DMD: variants seen among roughly 807,000 people sequenced by gnomAD.
DMD encodes mutant dystrophin.
DMD carries 63 observed loss-of-function variants against 330.1 expected under a neutral mutation model. The observed-to-expected ratio is 0.19, with a 90% CI of 0.16 to 0.24. DMD has a LOEUF of 0.24. DMD is among the 10% of genes least tolerant of loss of function. DMD has a pLI of 1.00. For synonymous variants in DMD, 1,223 were observed against 959.8 expected, an observed-to-expected ratio of 1.27 and a Z score of -5.07; for missense variants, 3,344 against 2,684.1, an observed-to-expected ratio of 1.25 and a Z score of -5.43.
intron 16 of DMD, among the ~76,000 whole-genome samples, chrX:32,556,562 G>A (rs954156175): frequency 9.0e-6 from 1 of 111,478 alleles, no homozygotes; most frequent in African/African-American, 3.3e-5. Flanking sequence ...CAACCTTAAT[G>A]CTCATCAATG....
Position 32,468,484 on chromosome X carries a change from A to G in DMD, c.3162+14T>C. 4.2e-6 allele frequency: 5 copies of G among 1,185,830 alleles called. No individual in the cohort carries two copies. The highest frequency in any genetic ancestry group is 5.7e-6 in the Non-Finnish European group (5 of 877,247). ...TAAATAAAAATGAGGGTAGAAAGTA[A>G]AATCTTGAATTACCTGAATTTTTCG... On this transcript the variant is annotated intron_variant, in intron 23 of 78. Coordinates refer to ENST00000357033, the MANE Select transcript of DMD (RefSeq NM_004006.3).
chrX:33,175,006 A>T (rs1376570276), intron 1 of DMD, among the ~76,000 whole-genome samples: 2 of 111,903 alleles, frequency 1.8e-5, no homozygotes, highest in Non-Finnish European at 3.8e-5. Context: ...AGGTTGGCTT[A>T]GCTTTCTTTC....
intron 50 of DMD, among the ~76,000 whole-genome samples, chrX:31,780,353 C>T (rs968733096): frequency 2.7e-5 from 3 of 111,933 alleles, no homozygotes; most frequent in African/African-American, 9.7e-5. Context: ...TTATTGGGCT[C>T]ACATTAACAA....
intron 30 of DMD, among the ~76,000 whole-genome samples, chrX:32,399,545 C>A (rs1460422681): frequency 9.0e-6 from 1 of 111,167 alleles, no homozygotes; most frequent in African/African-American, 3.3e-5. Flanking sequence ...AATCTCACTT[C>A]AACTCAAATG....
chrX:31,611,721 C>G (rs1265788852), intron 55 of DMD, among the ~76,000 whole-genome samples: 1 of 110,851 alleles, frequency 9.0e-6, no homozygotes, highest in African/African-American at 3.3e-5. Context: ...CTCCCACACC[C>G]AGTTAATTTT....
chrX:31,598,578 C>A (rs1197055041), intron 55 of DMD, among the ~76,000 whole-genome samples: 1 of 111,751 alleles, frequency 8.9e-6, no homozygotes, highest in African/African-American at 3.2e-5. Flanking sequence ...ATTTAATGGT[C>A]TTATTTAACA....
At chrX:32,557,981 G>A (rs976937102) in intron 16 of DMD, among the ~76,000 whole-genome samples, 1 of 109,463 alleles carries the variant, frequency 9.1e-6, no homozygotes, top group Non-Finnish European at 1.9e-5. Context: ...ATTTATTACT[G>A]TAAGGTAATA....
At chrX:32,234,062 C>G (rs1471285513) in intron 43 of DMD, among the ~76,000 whole-genome samples, 1 of 111,585 alleles carries the variant, frequency 9.0e-6, no homozygotes, top group African/African-American at 3.3e-5. Flanking sequence ...TGGTATGGGT[C>G]ACAGTAAAAC....
At position 32,365,315 on chromosome X, in the gene DMD, TATGTA is replaced by T. The variant is rs766450332; in HGVS notation, c.4846-121_4846-117del. ...TTCTGCAAGGTTTTAAACCTATAAC[TATGTA>T]TTAATGAATCATGAAAACCATACCA... On this transcript the variant is annotated intron_variant, in intron 34 of 78. Coordinates refer to ENST00000357033, the MANE Select transcript of DMD (RefSeq NM_004006.3). 58 of 676,942 alleles carry T rather than the reference TATGTA, an allele frequency of 8.6e-5. No individual in the cohort carries two copies. The East Asian group carries it at 2.0e-3, about 23-fold the overall frequency. 55.8% of individuals were successfully genotyped at this position (676,942 alleles called of 1,213,427 possible). A position where few individuals can be genotyped will look rare whatever the true frequency, so the allele number is the denominator to read the frequency against.
chrX:32,848,727 A>G (rs2080890885), intron 3 of DMD, among the ~76,000 whole-genome samples: 1 of 111,513 alleles, frequency 9.0e-6, no homozygotes, highest in African/African-American at 3.3e-5. Context: ...GGAGGGAAAA[A>G]TTAGCAAAGG....
chrX:32,568,564 A>G (rs1168941902), intron 15 of DMD, among the ~76,000 whole-genome samples: 1 of 111,050 alleles, frequency 9.0e-6, no homozygotes, highest in African/African-American at 3.3e-5. Flanking sequence ...AGTAAAATCA[A>G]TGTTATAATT....
chrX:32,909,064 C>A (rs1220425111), intron 2 of DMD, among the ~76,000 whole-genome samples: 1 of 108,145 alleles, frequency 9.2e-6, no homozygotes, highest in Non-Finnish European at 1.9e-5. Flanking sequence ...TTAAGGTGAC[C>A]CTGGTACCAT....
intron 7 of DMD, among the ~76,000 whole-genome samples, chrX:32,802,805 C>T (rs930966678): frequency 8.9e-6 from 1 of 111,943 alleles, no homozygotes; most frequent in Non-Finnish European, 1.9e-5. Flanking sequence ...ACTAATCTTG[C>T]ATCCCAGGGA....
intron 29 of DMD, among the ~76,000 whole-genome samples, chrX:32,437,654 T>C (rs1436948638): frequency 8.9e-6 from 1 of 112,350 alleles, no homozygotes; most frequent in African/African-American, 3.2e-5. Context: ...TAAGTGAATA[T>C]AAAACTAAAC....
rs868242012 is a variant in DMD, at chrX:32,695,081, A to G, written c.960+2789T>C. On this transcript the variant is annotated intron_variant, in intron 9 of 78. Transcript: ENST00000357033. ...ATGTGTCACTTGCTTCAATAACAGT[A>G]CCTGGCACATAATAGGTGATTCAAA... Among the ~76,000 whole-genome samples the G allele has an allele frequency of 3.6e-5, 4 of 112,662 alleles. No individual in the cohort carries two copies. In the South Asian group the frequency reaches 1.1e-3, roughly 31 times the overall value.
chrX:31,341,889 G>GCACACACACACACACACA (rs1239381351), intron 61 of DMD, among the ~76,000 whole-genome samples: 1 of 65,069 alleles, frequency 1.5e-5, no homozygotes, highest in African/African-American at 6.2e-5. Context: ...GCGTGCGCGC[G>GCACACACACACACACACA]CGCACACACA....
intron 61 of DMD, among the ~76,000 whole-genome samples, chrX:31,339,217 A>G (rs947091373): frequency 2.7e-5 from 3 of 111,896 alleles, no homozygotes; most frequent in African/African-American, 9.7e-5. Context: ...TCTGGTTGCT[A>G]ATGATACTGT....
chrX:32,787,492 A>G (rs2148605786), intron 7 of DMD, among the ~76,000 whole-genome samples: 1 of 110,354 alleles, frequency 9.1e-6, no homozygotes, highest in East Asian at 2.9e-4. Context: ...CCCCTTTTCC[A>G]CGGGGGATAT....
At chrX:32,455,523 C>T in intron 25 of DMD, among the ~76,000 whole-genome samples, 1 of 111,156 alleles carries the variant, frequency 9.0e-6, no homozygotes, top group Non-Finnish European at 1.9e-5. Flanking sequence ...CAACATAATA[C>T]AACCTTTTAG....
Sources: gnomAD v4.1 joint callset for allele counts (sites outside exome capture counted in the v4.1 genomes callset) on GRCh38, gnomAD v4.1.1 for gene constraint, MANE v1.5 for transcripts, NCBI Gene and HGNC (gene_info 2026-07-23, HGNC 2026-07-21) for gene names.